The following UNC5C variants were observed in gnomAD, a reference collection of about 807,000 sequenced individuals.
The protein encoded by UNC5C is unc-5 netrin receptor C, also known as netrin receptor UNC5C.
UNC5C carries 47 observed loss-of-function variants against 99.8 expected under a neutral mutation model. The observed-to-expected ratio is 0.47, with a 90% CI of 0.37 to 0.60. UNC5C has a LOEUF of 0.60. Ranked by LOEUF, UNC5C falls within the 20% of genes least tolerant of loss-of-function variation. The pLI is 0.00. For synonymous variants in UNC5C, 487 were observed against 452.2 expected (o/e 1.08, Z -0.98); for missense variants, 1,062 against 1,165.9 (o/e 0.91, Z 1.30).
Position 95,330,667 on chromosome 4 carries a change from T to C in UNC5C, c.346+4743A>G, listed in dbSNP as rs981723006. ...CATTTTCCAGGAGTAAAAAATCACATAATTTGTCATAAATGATAATTTTCT... is the reference window on the plus strand; with the variant it reads ...CATTTTCCAGGAGTAAAAAATCACACAATTTGTCATAAATGATAATTTTCT... On this transcript the variant is annotated intron_variant, in intron 2 of 15. Transcript: ENST00000453304. Among the ~76,000 whole-genome samples the C allele has an allele frequency of 2.6e-5, 4 of 152,108 alleles. No homozygotes were observed. The South Asian group carries it at 8.3e-4, about 31-fold the overall frequency.
At chr4:95,521,199 CT>C (rs59814808) in intron 1 of UNC5C, among the ~76,000 whole-genome samples, 22 of 138,078 alleles carry the variant, frequency 1.6e-4, no homozygotes, top group Admixed American at 2.3e-4. Context: ...TCTTCTTCTT[CT>C]TTTTTTTTTC....
intron 1 of UNC5C, among the ~76,000 whole-genome samples, chr4:95,349,263 C>G (rs1162363406): frequency 6.7e-6 from 1 of 148,900 alleles, no homozygotes; most frequent in East Asian, 2.1e-4. Flanking sequence ...CTACTCTGAA[C>G]CCACAAAAAT....
chr4:95,418,076 C>T (rs892812746), intron 1 of UNC5C, among the ~76,000 whole-genome samples: 3 of 152,096 alleles, frequency 2.0e-5, no homozygotes, highest in African/African-American at 2.4e-5. Context: ...AGTAGGTTAG[C>T]GAATGAGCAA....
Position 95,383,996 on chromosome 4 carries a change from A to G in UNC5C, c.125-48365T>C, listed in dbSNP as rs189543125. Among the ~76,000 whole-genome samples the G allele has an allele frequency of 2.8e-3, 421 of 152,314 alleles. 4 individuals carry two copies. Among genetic ancestry groups the G allele is most frequent in the African/African-American group, 9.3e-3 (388 of 41,586 alleles). ...CTAGATTGTCTCAGAATGTTATTTT[A>G]CTTCAATACTAAACACATTTGTAAA... On this transcript the variant is annotated intron_variant, in intron 1 of 15. Coordinates refer to ENST00000453304, the MANE Select transcript of UNC5C (RefSeq NM_003728.4).
chr4:95,328,040 CTTTTTTT>C (rs34794058), intron 2 of UNC5C, among the ~76,000 whole-genome samples: 1 of 87,098 alleles, frequency 1.1e-5, no homozygotes, highest in Non-Finnish European at 2.2e-5. Context: ...CAGGCAACTT[CTTTTTTT>C]TTTTTTTTTT....
intron 1 of UNC5C, among the ~76,000 whole-genome samples, chr4:95,463,441 T>G (rs1169809037): frequency 6.6e-6 from 1 of 152,064 alleles, no homozygotes; most frequent in African/African-American, 2.4e-5. Context: ...AAGCAGAGAC[T>G]GAGGCTCAGA....
At chr4:95,172,370 T>C (rs564956061) in intron 14 of UNC5C, among the ~76,000 whole-genome samples, 1 of 151,238 alleles carries the variant, frequency 6.6e-6, no homozygotes, top group African/African-American at 2.4e-5. Flanking sequence ...TTTATGGTTT[T>C]AGGTCTAACG....
intron 1 of UNC5C, among the ~76,000 whole-genome samples, chr4:95,397,622 T>C (rs1464115075): frequency 6.6e-6 from 1 of 152,200 alleles, no homozygotes; most frequent in Admixed American, 6.5e-5. Flanking sequence ...GAAACTTACA[T>C]AACTCTTTTT....
At chr4:95,470,055 T>C (rs986912317) in intron 1 of UNC5C, among the ~76,000 whole-genome samples, 10 of 152,158 alleles carry the variant, frequency 6.6e-5, no homozygotes, top group Admixed American at 2.0e-4. Context: ...CAAATAGTAC[T>C]ATGCACAGAC....
chr4:95,411,442 C>G (rs953766021), intron 1 of UNC5C, among the ~76,000 whole-genome samples: 1 of 152,138 alleles, frequency 6.6e-6, no homozygotes, highest in African/African-American at 2.4e-5. Flanking sequence ...TTCCCTTGAG[C>G]TTTCTGGCAC....
Position 95,164,739 on chromosome 4 carries a change from T to A in UNC5C, c.*4495A>T, listed in dbSNP as rs1438574135. 1.3e-5 allele frequency: 2 copies of A among 152,234 alleles called. No homozygotes were observed. The highest frequency in any genetic ancestry group is 2.9e-5 in the Non-Finnish European group (2 of 68,042). The allele number at this position is 152,234 out of a possible 1,614,324, so 9.4% of individuals were successfully genotyped here. ...CCATTTCATTTCAGCTGTGTTTCCATGGGACCCCTCTCATTCATTAGCCTT... is the reference window on the plus strand; with the variant it reads ...CCATTTCATTTCAGCTGTGTTTCCAAGGGACCCCTCTCATTCATTAGCCTT... On this transcript the variant is annotated 3_prime_UTR_variant, in exon 16 of 16. Transcript: ENST00000453304.
intron 1 of UNC5C, among the ~76,000 whole-genome samples, chr4:95,515,680 C>T (rs187990127): frequency 6.6e-6 from 1 of 152,278 alleles, no homozygotes; most frequent in African/African-American, 2.4e-5. Flanking sequence ...ATAGATCCAA[C>T]AGATCTAAGG....
chr4:95,470,544 G>C (rs1176415086), intron 1 of UNC5C, among the ~76,000 whole-genome samples: 1 of 152,032 alleles, frequency 6.6e-6, no homozygotes, highest in East Asian at 1.9e-4. Context: ...TCTAGTGTTG[G>C]GGGAGAGGGG....
intron 1 of UNC5C, among the ~76,000 whole-genome samples, chr4:95,463,536 T>C (rs1747674344): frequency 6.6e-6 from 1 of 152,086 alleles, no homozygotes; most frequent in Non-Finnish European, 1.5e-5. Flanking sequence ...ACGTGGGGGT[T>C]TCAGGTCTGA....
intron 1 of UNC5C, among the ~76,000 whole-genome samples, chr4:95,430,705 A>C (rs554800112): frequency 6.6e-6 from 1 of 152,210 alleles, no homozygotes; most frequent in African/African-American, 2.4e-5. Flanking sequence ...TTACTTCATG[A>C]CCTGTTTTTC....
At chr4:95,347,529 A>G (rs1743821545) in intron 1 of UNC5C, among the ~76,000 whole-genome samples, 1 of 152,172 alleles carries the variant, frequency 6.6e-6, no homozygotes, top group Admixed American at 6.6e-5. Flanking sequence ...TATAGTAACC[A>G]AAACAGCATG....
intron 1 of UNC5C, among the ~76,000 whole-genome samples, chr4:95,338,445 GTATT>G (rs1419102337): frequency 6.6e-6 from 1 of 152,024 alleles, no homozygotes; most frequent in Non-Finnish European, 1.5e-5. Context: ...ATAGCTACAT[GTATT>G]TAAAGATAAA....
At chr4:95,507,493 T>G (rs902935738) in intron 1 of UNC5C, among the ~76,000 whole-genome samples, 1 of 152,042 alleles carries the variant, frequency 6.6e-6, no homozygotes, top group South Asian at 2.1e-4. Context: ...CTCTGCAACA[T>G]TACAATTTCC....
At chr4:95,313,175 G>T (rs545521238) in intron 2 of UNC5C, among the ~76,000 whole-genome samples, 1 of 152,134 alleles carries the variant, frequency 6.6e-6, no homozygotes, top group African/African-American at 2.4e-5. Context: ...AATGCATGGA[G>T]CACTCTAGGG....
Sources: allele counts gnomAD v4.1 joint callset (sites outside exome capture counted in the v4.1 genomes callset), GRCh38; gene constraint gnomAD v4.1.1; transcripts MANE v1.5; gene names NCBI Gene and HGNC (gene_info 2026-07-23, HGNC 2026-07-21).